The following GNAS variants were observed in gnomAD, a reference collection of about 807,000 sequenced individuals.
GNAS encodes the protein GNAS complex locus, also known as protein ALEX.
Under a neutral mutation model 54.5 loss-of-function variants are expected in GNAS, and 8 were observed. The observed-to-expected ratio is 0.15, with a 90% CI of 0.09 to 0.26. The LOEUF (loss-of-function observed/expected upper bound fraction) is 0.26, where lower values mean the gene tolerates loss of function less well. GNAS is among the 10% of genes least tolerant of loss of function. The probability of loss-of-function intolerance (pLI) is 1.00; values close to 1 mark genes in which losing one functional copy is unlikely to be tolerated. For missense variants in GNAS, 170 were observed against 529.8 expected, an observed-to-expected ratio of 0.32 and a Z score of 6.67; for synonymous variants, 204 against 191.4, an observed-to-expected ratio of 1.07 and a Z score of -0.54.
At chr20:58,864,685 A>T (rs751004268) in intron 1 of GNAS, among the ~76,000 whole-genome samples, 1 of 152,194 alleles carries the variant, frequency 6.6e-6, no homozygotes, top group South Asian at 2.1e-4. Context: ...TTGACTTTTA[A>T]TGCCAGCCCC....
At chr20:58,906,061 C>T (rs1022230589) in intron 6 of GNAS, among the ~76,000 whole-genome samples, 2 of 152,160 alleles carry the variant, frequency 1.3e-5, no homozygotes, top group Non-Finnish European at 1.5e-5. Flanking sequence ...TTCCTTCTCA[C>T]CGGGTCTTGA....
rs1443787224 is a variant in GNAS at position 58,873,065 on chromosome 20, A to C, written c.44-22547A>C. ...GGAGGAGTTCAGACTCTCCCCAAGC[A>C]CCAAGAGTTAGAAATGTGTTGCTAA... On this transcript the variant is annotated intron_variant, in intron 1 of 12. Coordinates refer to the GNAS transcript ENST00000306090. The surrounding 1 kb of genome is among the most constrained non-coding windows in gnomAD (Gnocchi z 4.3). Among the ~76,000 whole-genome samples the C allele has an allele frequency of 1.3e-5, 2 of 152,188 alleles. No individual in the cohort carries two copies. The highest frequency in any genetic ancestry group is 2.9e-5 in the Non-Finnish European group (2 of 68,038).
intron 3 of GNAS, chr20:58,899,410 T>G (rs1004220863): frequency 3.9e-6 from 2 of 518,388 alleles, no homozygotes; most frequent in Non-Finnish European, 7.4e-6. Flanking sequence ...AAAATTTGTT[T>G]CCTTTATTAA....
At chr20:58,849,388 T>TA (rs1165312317) in intron 1 of GNAS, among the ~76,000 whole-genome samples, 1 of 152,198 alleles carries the variant, frequency 6.6e-6, no homozygotes, top group African/African-American at 2.4e-5. Context: ...AGTGCGCCAA[T>TA]TGTTCAAGAT....
chr20:58,869,435 G>A (rs889907878), intron 1 of GNAS, among the ~76,000 whole-genome samples: 5 of 152,124 alleles, frequency 3.3e-5, no homozygotes, highest in African/African-American at 7.2e-5. Context: ...CCCAATCACC[G>A]GGAGAATCTT....
intron 3 of GNAS, among the ~76,000 whole-genome samples, chr20:58,901,737 CAGAA>C (rs1405625347): frequency 2.0e-5 from 3 of 152,096 alleles, no homozygotes; most frequent in Non-Finnish European, 4.4e-5. Flanking sequence ...GACATTTATT[CAGAA>C]AGAATAAATT....
At chr20:58,855,024 G>A (rs1284277177) in intron 1 of GNAS, 2 of 1,612,894 alleles carry the variant, frequency 1.2e-6, no homozygotes, top group East Asian at 2.2e-5. Flanking sequence ...TGGGACCTCC[G>A]GATGCCTCCG....
chr20:58,891,793 A>G lies in GNAS; in HGVS notation c.67A>G (p.Asn23Asp). 1.6e-6 allele frequency: 2 copies of G among 1,288,356 alleles called. No homozygotes were observed. The highest frequency in any genetic ancestry group is 6.1e-5 in the East Asian group (1 of 16,316). The allele number at this position is 1,288,356 out of a possible 1,614,324, so 79.8% of individuals were successfully genotyped here. A position where few individuals can be genotyped will look rare whatever the true frequency, so the allele number is the denominator to read the frequency against. The part of the protein sequence containing the change: ...RNEEKAQREA[N>D]KKIEKQLQKD... Reference sequence around the variant, plus strand: ...CGAGGAGAAGGCGCAGCGTGAGGCCAACAAAAAGATCGAGAAGCAGCTGCA... The same window carrying G: ...CGAGGAGAAGGCGCAGCGTGAGGCCGACAAAAAGATCGAGAAGCAGCTGCA... The change falls in exon 1 of 13, where the codon AAC becomes GAC. Residue 23 changes from asparagine (N) to aspartate (D), a missense_variant. Coordinates refer to ENST00000371085, the MANE Select transcript of GNAS (RefSeq NM_000516.7).
chr20:58,876,858 A>T (rs1056611589), intron 1 of GNAS: 3 of 152,404 alleles, frequency 2.0e-5, no homozygotes, highest in Admixed American at 2.0e-4. Context: ...AGAAGTAGCC[A>T]CCACCACCGT....
At chr20:58,844,550 A>C (rs1326462889) in intron 1 of GNAS, among the ~76,000 whole-genome samples, 1 of 152,194 alleles carries the variant, frequency 6.6e-6, no homozygotes, top group Non-Finnish European at 1.5e-5. Flanking sequence ...GGTCAGACCC[A>C]ACACCCCTCT....
chr20:58,894,786 A>G (rs1286996918), intron 1 of GNAS, among the ~76,000 whole-genome samples: 2 of 152,194 alleles, frequency 1.3e-5, no homozygotes, highest in South Asian at 4.1e-4. Flanking sequence ...CCTTTTGATT[A>G]AAGTTTTGTT....
Position 58,911,114 on chromosome 20 carries a change from T to TAA in GNAS, c.*288_*289dup. The TAA allele has an allele frequency of 1.7e-6, 1 of 571,528 alleles. No homozygotes were observed. Among genetic ancestry groups the TAA allele is most frequent in the Non-Finnish European group, 3.2e-6 (1 of 310,948 alleles). The allele number at this position is 571,528 out of a possible 1,614,324, so 35.4% of individuals were successfully genotyped here. Reference sequence around the variant, plus strand: ...GCAGCAGCAAACAAATAAAATGAAATAAAAGAAACAAATGAAATAAATATT... The same window carrying TAA: ...GCAGCAGCAAACAAATAAAATGAAATAAAAAAGAAACAAATGAAATAAATATT... On this transcript the variant is annotated 3_prime_UTR_variant, in exon 13 of 13. Transcript: ENST00000371085.
In GNAS at chr20:58,857,564, C is replaced by T. The variant is rs557481624; in HGVS notation, c.43+16678C>T. ...TCAAATTGGTGATGTGCCTTACATG[C>T]GGGGCCTCAGTTGCCTCCTTTGTGA... On this transcript the variant is annotated intron_variant, in intron 1 of 12. Coordinates refer to the GNAS transcript ENST00000306090. This position sits in a 1 kb window ranked among gnomAD's most constrained non-coding sequence, Gnocchi z 4.1. Among the ~76,000 whole-genome samples the T allele has an allele frequency of 6.6e-5, 10 of 152,248 alleles. No individual in the cohort carries two copies. Among genetic ancestry groups the T allele is most frequent in the Non-Finnish European group, 8.8e-5 (6 of 68,018 alleles).
At chr20:58,872,703 A>G (rs942651451) in intron 1 of GNAS, among the ~76,000 whole-genome samples, 8 of 152,074 alleles carry the variant, frequency 5.3e-5, no homozygotes, top group African/African-American at 1.9e-4. Context: ...GAATTCAGCC[A>G]GAGGAGAACA....
At chr20:58,886,730 T>A (rs2088615738), upstream of GNAS, among the ~76,000 whole-genome samples, 1 of 152,172 alleles carries the variant, frequency 6.6e-6, no homozygotes, top group Admixed American at 6.5e-5. Flanking sequence ...TAAAATCTCT[T>A]CTTTCACTTT....
intron 1 of GNAS, among the ~76,000 whole-genome samples, chr20:58,877,244 C>T (rs1234796177): frequency 6.6e-6 from 1 of 151,696 alleles, no homozygotes; most frequent in African/African-American, 2.4e-5. Flanking sequence ...GAGTGCAAAG[C>T]GGCTGTCACT....
At chr20:58,891,061 G>A (rs2089193417), upstream of GNAS, among the ~76,000 whole-genome samples, 1 of 150,550 alleles carries the variant, frequency 6.6e-6, no homozygotes, top group South Asian at 2.1e-4. Flanking sequence ...GTCGTGCGAG[G>A]GGTCGTCACT....
At chr20:58,871,637 C>CAAAA (rs56281960) in intron 1 of GNAS, among the ~76,000 whole-genome samples, 5 of 58,586 alleles carry the variant, frequency 8.5e-5, no homozygotes, top group Admixed American at 2.3e-4. Context: ...AAACAAACAA[C>CAAAA]AAAAAAAAAA....
chr20:58,863,069 G>T lies in GNAS; in HGVS notation c.43+22183G>T, dbSNP rs2086864265. On this transcript the variant is annotated intron_variant, in intron 1 of 12. Coordinates refer to the GNAS transcript ENST00000306090. The surrounding 1 kb of genome is among the most constrained non-coding windows in gnomAD (Gnocchi z 4.1). ...GAATTGAAGATGAAGAGACCTCCAA[G>T]AAAGAGGTAGGGAACAACACAACAA... Among the ~76,000 whole-genome samples the T allele has an allele frequency of 6.6e-6, 1 of 151,930 alleles. No homozygotes were observed. The highest frequency in any genetic ancestry group is 1.5e-5 in the Non-Finnish European group (1 of 68,008).
Sources: allele counts gnomAD v4.1 joint callset (sites outside exome capture counted in the v4.1 genomes callset), GRCh38; gene constraint gnomAD v4.1.1; non-coding constraint Gnocchi (gnomAD v3.1); transcripts MANE v1.5; gene names NCBI Gene and HGNC (gene_info 2026-07-23, HGNC 2026-07-21).